Variants in TCF7L2 observed in about 807,000 individuals in gnomAD.
The protein encoded by TCF7L2 is transcription factor 7 like 2, also known as transcription factor 7-like 2.
TCF7L2 carries 23 observed loss-of-function variants against 77.9 expected under a neutral mutation model. The observed-to-expected ratio is 0.30, with a 90% CI of 0.21 to 0.42. The LOEUF is 0.42. Ranked by LOEUF, TCF7L2 falls within the 10% of genes least tolerant of loss-of-function variation. The pLI is 1.00. For missense variants in TCF7L2, 654 were observed against 793.1 expected, an observed-to-expected ratio of 0.82 and a Z score of 2.11; for synonymous variants, 413 against 340.2, an observed-to-expected ratio of 1.21 and a Z score of -2.36.
At chr10:112,964,403 C>T (rs1433721668) in intron 3 of TCF7L2, among the ~76,000 whole-genome samples, 153 bp from the exon 4 acceptor site, 1 of 152,128 alleles carries the variant, frequency 6.6e-6, no homozygotes, top group Non-Finnish European at 1.5e-5. Flanking sequence ...ATCATCTTAT[C>T]CATAGCAACA....
At chr10:113,119,108 T>C (rs186295501) in intron 5 of TCF7L2, among the ~76,000 whole-genome samples, 1 of 152,312 alleles carries the variant, frequency 6.6e-6, no homozygotes, top group East Asian at 1.9e-4. Flanking sequence ...ATTGACTTCG[T>C]TGACAGAATT....
intron 4 of TCF7L2, among the ~76,000 whole-genome samples, chr10:113,017,266 G>T (rs1233385366): frequency 6.6e-6 from 1 of 152,212 alleles, no homozygotes; most frequent in Non-Finnish European, 1.5e-5. Context: ...CAGAGCCTGA[G>T]ACTTTTCTCA....
intron 13 of TCF7L2, chr10:113,161,205 G>T (rs760725354): frequency 6.8e-6 from 2 of 294,532 alleles, no homozygotes; most frequent in Admixed American, 4.8e-5. Flanking sequence ...ATGTCTGTAC[G>T]GAGGAGCTTG....
chr10:112,951,109 T>C, intron 1 of TCF7L2, 98 bp from the exon 2 acceptor site: 2 of 1,274,698 alleles, frequency 1.6e-6, no homozygotes, highest in South Asian at 1.4e-5. Context: ...TGTTTTTTTC[T>C]ACCCCCCCCT....
intron 13 of TCF7L2, among the ~76,000 whole-genome samples, chr10:113,161,869 C>G (rs1445926128): frequency 3.9e-5 from 6 of 152,160 alleles, no homozygotes; most frequent in African/African-American, 1.4e-4. Flanking sequence ...GGGAGCCACA[C>G]AGACAGCCCT....
chr10:113,061,712 C>T (rs147039085), intron 5 of TCF7L2, among the ~76,000 whole-genome samples: 2 of 152,258 alleles, frequency 1.3e-5, no homozygotes, highest in African/African-American at 2.4e-5. Context: ...TTCCCTCTGA[C>T]GGTTATTGAT....
In TCF7L2 at chr10:113,057,609, A is replaced by G. The variant is rs557099933; in HGVS notation, c.552+17483A>G. ...AGGGGAAAACATTTTAAATACATTA[A>G]TAACTAATAAAATAGAAATAAATCT... is the stretch of plus-strand genomic sequence containing the variant. On this transcript the variant is annotated intron_variant, in intron 5 of 13. Transcript: ENST00000627217. 5.3e-5 allele frequency among the ~76,000 whole-genome samples: 8 copies of G among 152,364 alleles called. No individual in the cohort carries two copies. In the East Asian group the frequency reaches 1.5e-3, roughly 29 times the overall value.
In TCF7L2 at chr10:112,992,768, C is replaced by CTT. The variant is rs1439965136; in HGVS notation, c.450+28156_450+28157dup. 4.1e-5 allele frequency among the ~76,000 whole-genome samples: 6 copies of CTT among 145,244 alleles called. No individual in the cohort carries two copies. The South Asian group carries it at 6.5e-4, about 16-fold the overall frequency. ...GTGTTACTCTCTTATATTTTTCTTT[C>CTT]TTTTTTTTTTTTTGAGACGGAGTCT... On this transcript the variant is annotated intron_variant, in intron 4 of 13. Coordinates refer to ENST00000627217, the MANE Select transcript of TCF7L2 (RefSeq NM_001146274.2).
intron 5 of TCF7L2, among the ~76,000 whole-genome samples, chr10:113,106,745 T>C (rs960956166): frequency 2.0e-5 from 3 of 152,270 alleles, no homozygotes; most frequent in Non-Finnish European, 4.4e-5. Flanking sequence ...TTTATGTGTG[T>C]ATTTTGAATG....
chr10:113,090,735 G>A (rs1189506781), intron 5 of TCF7L2, among the ~76,000 whole-genome samples: 1 of 152,146 alleles, frequency 6.6e-6, no homozygotes, highest in African/African-American at 2.4e-5. Flanking sequence ...TCAGCCTCCC[G>A]AGTAGCTGGA....
At chr10:113,039,982 T>C (rs2134261600) in intron 4 of TCF7L2, 43 bp from the exon 5 acceptor site, 1 of 1,574,628 alleles carries the variant, frequency 6.4e-7, no homozygotes, top group Non-Finnish European at 8.7e-7. Context: ...ATTTACTTTC[T>C]GAATTCATTG....
chr10:113,038,057 TTAG>T (rs2051670266), intron 4 of TCF7L2, among the ~76,000 whole-genome samples: 1 of 152,076 alleles, frequency 6.6e-6, no homozygotes, highest in African/African-American at 2.4e-5. Flanking sequence ...AATATTTACT[TTAG>T]TGGTTCTCAA....
intron 5 of TCF7L2, among the ~76,000 whole-genome samples, chr10:113,051,643 C>T (rs2054499163): frequency 6.6e-6 from 1 of 152,204 alleles, no homozygotes; most frequent in South Asian, 2.1e-4. Context: ...TTATTATACA[C>T]AATCATCCCC....
chr10:113,158,763 T>C (rs1389663920), intron 12 of TCF7L2, 46 bp downstream of exon 13: 1 of 1,587,826 alleles, frequency 6.3e-7, no homozygotes, highest in East Asian at 2.2e-5. Context: ...TAAACTGTTT[T>C]TTAATTTTTC....
chr10:113,073,310 A>G (rs1039527219), intron 5 of TCF7L2, among the ~76,000 whole-genome samples: 5 of 151,644 alleles, frequency 3.3e-5, no homozygotes, highest in Admixed American at 1.3e-4. Context: ...TCCTCCAGAG[A>G]AAGAAATGTT....
chr10:113,029,011 G>A (rs1384848456), intron 4 of TCF7L2, among the ~76,000 whole-genome samples: 1 of 152,146 alleles, frequency 6.6e-6, no homozygotes, highest in African/African-American at 2.4e-5. Context: ...GCAAATCTTA[G>A]CTGCCTTGGA....
At chr10:112,977,198 A>C (rs1018985549) in intron 4 of TCF7L2, among the ~76,000 whole-genome samples, 16 of 152,204 alleles carry the variant, frequency 1.1e-4, no homozygotes, top group African/African-American at 3.9e-4. Context: ...AAGCACCAGA[A>C]TAAATAGCTT....
At chr10:112,968,578 T>G (rs976994945) in intron 4 of TCF7L2, among the ~76,000 whole-genome samples, 4 of 152,186 alleles carry the variant, frequency 2.6e-5, no homozygotes, top group African/African-American at 9.6e-5. Context: ...ATACTCGGGT[T>G]TTCTTTTTCA....
At chr10:113,043,562 T>A (rs117170085) in intron 5 of TCF7L2, among the ~76,000 whole-genome samples, 2,118 of 152,186 alleles carry the variant, frequency 0.014, 27 homozygotes, top group Non-Finnish European at 0.021. Context: ...AAGGCGTCAG[T>A]CTTTGCCTTC....
Sources: allele counts gnomAD v4.1 joint callset (sites outside exome capture counted in the v4.1 genomes callset), GRCh38; gene constraint gnomAD v4.1.1; transcripts MANE v1.5; gene names NCBI Gene and HGNC (gene_info 2026-07-23, HGNC 2026-07-21).